B4GALNT3: variants seen among roughly 807,000 people sequenced by gnomAD.
B4GALNT3 encodes beta-1,4-N-acetylgalactosaminyltransferase 3.
B4GALNT3 carries 86 observed loss-of-function variants against 120.2 expected under a neutral mutation model. The observed-to-expected ratio is 0.72, with a 90% CI of 0.60 to 0.86. The LOEUF (loss-of-function observed/expected upper bound fraction) is 0.86, where lower values mean the gene tolerates loss of function less well. Among genes scored for constraint, B4GALNT3 ranks in the 40% least tolerant of loss-of-function variants. B4GALNT3 has a pLI of 0.00. For synonymous variants in B4GALNT3, 518 were observed against 510.4 expected, an observed-to-expected ratio of 1.01 and a Z score of -0.20; for missense variants, 1,167 against 1,298.9, an observed-to-expected ratio of 0.90 and a Z score of 1.56.
chr12:466,652 A>G (rs890692575), intron 1 of B4GALNT3, among the ~76,000 whole-genome samples: 3 of 152,220 alleles, frequency 2.0e-5, no homozygotes, highest in African/African-American at 4.8e-5. Flanking sequence ...AAAGTGTGAC[A>G]GATCTTTAAA....
At chr12:529,129 G>A (rs892473736) in intron 1 of B4GALNT3, among the ~76,000 whole-genome samples, 1 of 151,984 alleles carries the variant, frequency 6.6e-6, no homozygotes, top group African/African-American at 2.4e-5. Flanking sequence ...GCATACCCTT[G>A]CCCAGGGACA....
At chr12:514,342 T>C (rs553396772) in intron 1 of B4GALNT3, among the ~76,000 whole-genome samples, 25 of 151,730 alleles carry the variant, frequency 1.6e-4, no homozygotes, top group Non-Finnish European at 2.9e-4. Flanking sequence ...GGACTACAGG[T>C]GCCCGCCACC....
At chr12:519,887 A>G (rs1006240537) in intron 1 of B4GALNT3, among the ~76,000 whole-genome samples, 20 of 152,138 alleles carry the variant, frequency 1.3e-4, no homozygotes, top group African/African-American at 4.8e-4. Flanking sequence ...GGTTGTTTCC[A>G]TGGAAAGTAC....
chr12:481,738 C>T (rs887402254), intron 1 of B4GALNT3, among the ~76,000 whole-genome samples: 24 of 152,264 alleles, frequency 1.6e-4, no homozygotes, highest in African/African-American at 5.8e-4. Context: ...GTCTCAGCCG[C>T]CCTGCAGGGA....
intron 1 of B4GALNT3, among the ~76,000 whole-genome samples, chr12:490,625 G>C (rs1019294553): frequency 3.3e-5 from 5 of 152,066 alleles, no homozygotes; most frequent in Admixed American, 2.6e-4. Context: ...AGCTACTCAG[G>C]AGGCTGAGGC....
At chr12:477,675 G>A (rs1019435451) in intron 1 of B4GALNT3, among the ~76,000 whole-genome samples, 3 of 152,206 alleles carry the variant, frequency 2.0e-5, no homozygotes, top group African/African-American at 4.8e-5. Context: ...ATAATGAATA[G>A]ATGAAGTTGA....
chr12:551,464 A>T (rs1947082094), intron 11 of B4GALNT3, among the ~76,000 whole-genome samples: 1 of 152,230 alleles, frequency 6.6e-6, no homozygotes, highest in African/African-American at 2.4e-5. Context: ...TAAAGAACCC[A>T]GAACCCATGC....
chr12:506,971 A>G (rs1465764582), intron 1 of B4GALNT3, among the ~76,000 whole-genome samples: 1 of 152,252 alleles, frequency 6.6e-6, no homozygotes, highest in African/African-American at 2.4e-5. Flanking sequence ...ATTTTAGAAT[A>G]GTTTTTCATT....
chr12:533,523 G>T (rs986693738), intron 1 of B4GALNT3, among the ~76,000 whole-genome samples: 3 of 152,184 alleles, frequency 2.0e-5, no homozygotes, highest in African/African-American at 4.8e-5. Flanking sequence ...AGGCCTCTGC[G>T]CCGGCACTCC....
At chr12:503,185 C>G (rs2120544419) in intron 1 of B4GALNT3, among the ~76,000 whole-genome samples, 1 of 152,306 alleles carries the variant, frequency 6.6e-6, no homozygotes, top group South Asian at 2.1e-4. Flanking sequence ...GCAAGGAAAT[C>G]CTGGGGATTG....
At chr12:529,112 C>T (rs1565603595) in intron 1 of B4GALNT3, among the ~76,000 whole-genome samples, 1 of 152,162 alleles carries the variant, frequency 6.6e-6, no homozygotes, top group Non-Finnish European at 1.5e-5. Flanking sequence ...CCCGTCCTTC[C>T]CCTCTTGCAT....
At chr12:487,266 C>G (rs575691597) in intron 1 of B4GALNT3, among the ~76,000 whole-genome samples, 9 of 152,218 alleles carry the variant, frequency 5.9e-5, no homozygotes, top group South Asian at 2.1e-4. Context: ...ATATTTGAAA[C>G]GATAGCAACT....
chr12:546,574 C>G, intron 6 of B4GALNT3, 72 bp from the exon 7 acceptor site: 3 of 1,367,768 alleles, frequency 2.2e-6, no homozygotes, highest in Non-Finnish European at 3.1e-6. Context: ...CCTTCCTGGT[C>G]TCGCACTCAC....
At chr12:506,898 A>C (rs565669652) in intron 1 of B4GALNT3, among the ~76,000 whole-genome samples, 2 of 152,230 alleles carry the variant, frequency 1.3e-5, no homozygotes, top group Non-Finnish European at 2.9e-5. Flanking sequence ...GGCCTCCCGA[A>C]GTGCTGGGAT....
At chr12:482,640 G>A (rs1054719976) in intron 1 of B4GALNT3, among the ~76,000 whole-genome samples, 12 of 152,272 alleles carry the variant, frequency 7.9e-5, no homozygotes, top group Middle Eastern at 6.8e-3. Flanking sequence ...CGTTATTTCC[G>A]GTGAGAGAGA....
intron 1 of B4GALNT3, among the ~76,000 whole-genome samples, chr12:481,594 C>T (rs1250209734): frequency 6.6e-6 from 1 of 152,224 alleles, no homozygotes; most frequent in Non-Finnish European, 1.5e-5. Context: ...GTCATTACCT[C>T]ACCGCAGGGC....
intron 1 of B4GALNT3, among the ~76,000 whole-genome samples, chr12:522,279 C>T (rs1272016076): frequency 2.6e-5 from 4 of 152,106 alleles, no homozygotes; most frequent in African/African-American, 7.2e-5. Flanking sequence ...CTAAGACAGA[C>T]GAATGGATAA....
At chr12:523,509 C>T (rs1213919610) in intron 1 of B4GALNT3, among the ~76,000 whole-genome samples, 2 of 152,188 alleles carry the variant, frequency 1.3e-5, no homozygotes, top group Non-Finnish European at 2.9e-5. Context: ...AGCCAGCGTC[C>T]TCCCCGGAAT....
intron 1 of B4GALNT3, among the ~76,000 whole-genome samples, chr12:509,443 G>A (rs2120566114): frequency 6.6e-6 from 1 of 152,288 alleles, no homozygotes; most frequent in Admixed American, 6.5e-5. Context: ...CTTTCTAGGG[G>A]ATTTAAATGA....
Sources: allele counts gnomAD v4.1 joint callset (sites outside exome capture counted in the v4.1 genomes callset), GRCh38; gene constraint gnomAD v4.1.1; transcripts MANE v1.5; gene names NCBI Gene and HGNC (gene_info 2026-07-23, HGNC 2026-07-21).